The following NOVA1 variants were observed in gnomAD, a reference collection of about 807,000 sequenced individuals.
The protein encoded by NOVA1 is NOVA alternative splicing regulator 1, also known as RNA-binding protein Nova-1.
In NOVA1, 7 loss-of-function variants were observed where a neutral mutation model predicts 38.0. The ratio of observed to expected loss-of-function variants is 0.18; its 90% CI spans 0.10 to 0.35. NOVA1 has a LOEUF of 0.35. Ranked by LOEUF, NOVA1 falls within the 10% of genes least tolerant of loss-of-function variation. The pLI is 1.00. For missense variants in NOVA1, 460 were observed against 616.0 expected, an observed-to-expected ratio of 0.75 and a Z score of 2.68; for synonymous variants, 270 against 232.5, an observed-to-expected ratio of 1.16 and a Z score of -1.47.
chr14:26,568,964 C>G (rs1315907392), intron 2 of NOVA1, among the ~76,000 whole-genome samples: 1 of 152,158 alleles, frequency 6.6e-6, no homozygotes, highest in Non-Finnish European at 1.5e-5. Flanking sequence ...AAAATAATCT[C>G]AAGCCAAGAA....
rs752765380 is a variant in NOVA1, at chr14:26,447,939, C to A, written c.*20G>T. On this transcript the variant is annotated 3_prime_UTR_variant, in exon 5 of 5. Transcript: ENST00000539517. ...GGGGTAAAGGAGGGGTTAAAACAAT[C>A]TGATGTGTAACTGGGGCACTCAACC... is the stretch of plus-strand genomic sequence containing the variant. 2 of 1,605,722 alleles carry A rather than the reference C, an allele frequency of 1.2e-6. No individual in the cohort carries two copies. Among genetic ancestry groups the A allele is most frequent in the Admixed American group, 1.7e-5 (1 of 59,950 alleles).
At chr14:26,458,493 C>T (rs1883363728) in intron 4 of NOVA1, among the ~76,000 whole-genome samples, 1 of 152,078 alleles carries the variant, frequency 6.6e-6, no homozygotes, top group South Asian at 2.1e-4. Flanking sequence ...GAATACTATA[C>T]AGTTGTAAAA....
At chr14:26,516,835 G>A (rs55816280) in intron 2 of NOVA1, among the ~76,000 whole-genome samples, 53,072 of 151,402 alleles carry the variant, frequency 0.35, 11,221 homozygotes, top group African/African-American at 0.6. Context: ...GAAGAATAAA[G>A]TCCAAATTCC....
intron 2 of NOVA1, 80 bp from the exon 3 acceptor site, chr14:26,480,223 GC>G: frequency 8.0e-7 from 1 of 1,257,596 alleles, no homozygotes. Context: ...ATATCATAAC[GC>G]CAAAAAAATG....
intron 2 of NOVA1, among the ~76,000 whole-genome samples, chr14:26,509,301 A>G (rs867161104): frequency 6.6e-6 from 1 of 152,176 alleles, no homozygotes; most frequent in Non-Finnish European, 1.5e-5. Context: ...TATAGGATAC[A>G]TGGAGGAATG....
chr14:26,554,617 T>C (rs550616138), intron 2 of NOVA1, among the ~76,000 whole-genome samples: 2 of 152,288 alleles, frequency 1.3e-5, no homozygotes, highest in South Asian at 4.1e-4. Flanking sequence ...AAAAGAGTGA[T>C]TTGACTAATC....
At chr14:26,568,113 G>A (rs575323757) in intron 2 of NOVA1, among the ~76,000 whole-genome samples, 5 of 152,268 alleles carry the variant, frequency 3.3e-5, no homozygotes, top group African/African-American at 1.2e-4. Flanking sequence ...AGAGATTTAG[G>A]TAAAACAGAA....
chr14:26,573,265 GTTAA>G (rs1892602716), intron 2 of NOVA1, among the ~76,000 whole-genome samples: 1 of 152,036 alleles, frequency 6.6e-6, no homozygotes, highest in East Asian at 1.9e-4. Context: ...AGATAGTTCA[GTTAA>G]TTAAGCAACT....
At chr14:26,475,661 G>A (rs1884927498) in intron 3 of NOVA1, among the ~76,000 whole-genome samples, 1 of 152,140 alleles carries the variant, frequency 6.6e-6, no homozygotes, top group Non-Finnish European at 1.5e-5. Flanking sequence ...TTTAGACGCT[G>A]AAGGGTGAAA....
intron 2 of NOVA1, among the ~76,000 whole-genome samples, chr14:26,499,737 G>A (rs1372112313): frequency 6.6e-6 from 1 of 152,056 alleles, no homozygotes; most frequent in Non-Finnish European, 1.5e-5. Flanking sequence ...TCTTTCCATT[G>A]TAGTGTTATA....
chr14:26,596,797 G>A (rs1894218778), intron 1 of NOVA1: 2 of 1,165,202 alleles, frequency 1.7e-6, no homozygotes, highest in Non-Finnish European at 1.1e-6. Context: ...TCAAGATTTT[G>A]CATACTACTT....
chr14:26,499,134 T>C (rs893591277), intron 2 of NOVA1, among the ~76,000 whole-genome samples: 1 of 152,220 alleles, frequency 6.6e-6, no homozygotes, highest in East Asian at 1.9e-4. Context: ...AATAGTGTAT[T>C]GTTTTCAGGA....
In NOVA1 at chr14:26,580,242, T is replaced by C. The variant is rs117204725; in HGVS notation, c.280+15168A>G. The stretch of plus-strand genomic sequence containing the variant: ...AAAGATCATGAAAGACAATATTAAA[T>C]ATTCTATATGCCACCTGATTTATTC... On this transcript the variant is annotated intron_variant, in intron 2 of 4. Coordinates refer to ENST00000539517, the MANE Select transcript of NOVA1 (RefSeq NM_002515.3). Among the ~76,000 whole-genome samples the C allele has an allele frequency of 1.6e-3, 247 of 152,264 alleles. 6 individuals carry two copies. In the East Asian group the frequency reaches 0.035, roughly 21 times the overall value.
At chr14:26,469,785 G>C (rs1241639969) in intron 4 of NOVA1, among the ~76,000 whole-genome samples, 1 of 152,130 alleles carries the variant, frequency 6.6e-6, no homozygotes, top group Non-Finnish European at 1.5e-5. Context: ...TTTAGAGACA[G>C]GGTCTTGGCT....
chr14:26,594,732 T>G (rs919816840), intron 2 of NOVA1, among the ~76,000 whole-genome samples: 1 of 151,458 alleles, frequency 6.6e-6, no homozygotes, highest in African/African-American at 2.4e-5. Flanking sequence ...ACAAAAAATT[T>G]ATACCACCAA....
At chr14:26,581,273 T>C (rs1038547892) in intron 2 of NOVA1, among the ~76,000 whole-genome samples, 2 of 152,078 alleles carry the variant, frequency 1.3e-5, no homozygotes, top group African/African-American at 4.8e-5. Flanking sequence ...TTGTATAATA[T>C]CCATTGCATA....
intron 2 of NOVA1, among the ~76,000 whole-genome samples, chr14:26,537,778 C>A (rs1426630317): frequency 6.6e-6 from 1 of 151,890 alleles, no homozygotes; most frequent in Non-Finnish European, 1.5e-5. Flanking sequence ...GCTGTGAAGA[C>A]CTTAAAAGAC....
Position 26,448,539 on chromosome 14 carries a change from A to G in NOVA1, c.944T>C (p.Ile315Thr). 6.2e-7 allele frequency: 1 copy of G among 1,614,186 alleles called. No homozygotes were observed. Among genetic ancestry groups the G allele is most frequent in the Non-Finnish European group, 8.5e-7 (1 of 1,180,030 alleles). ...GGCTAATGTATTAAGTGCAGAGGTG[A>G]TGGCCACCAGGTCATTGCCTGTGAA... is the stretch of plus-strand genomic sequence containing the variant. ...SGFTGNDLVA[I>T]TSALNTLASY... The change falls in exon 5 of 5, where the codon ATC becomes ACC. Residue 315 changes from isoleucine to threonine, a missense_variant. Coordinates refer to ENST00000539517, the MANE Select transcript of NOVA1 (RefSeq NM_002515.3). The surrounding 1 kb of genome is among the most constrained non-coding windows in gnomAD (Gnocchi z 5.3).
intron 2 of NOVA1, among the ~76,000 whole-genome samples, chr14:26,502,516 A>C (rs1279383987): frequency 6.6e-6 from 1 of 151,802 alleles, no homozygotes; most frequent in African/African-American, 2.4e-5. Context: ...TTTAAAGAGA[A>C]GGCAGATACT....
Sources: gnomAD v4.1 joint callset for allele counts (sites outside exome capture counted in the v4.1 genomes callset) on GRCh38, gnomAD v4.1.1 for gene constraint, Gnocchi (gnomAD v3.1) non-coding constraint, MANE v1.5 for transcripts, NCBI Gene and HGNC (gene_info 2026-07-23, HGNC 2026-07-21) for gene names.